SLC22A9: variants seen among roughly 807,000 people sequenced by gnomAD.
SLC22A9 encodes the protein solute carrier family 22 member 9, also known as organic anion transporter 7.
A neutral mutation model predicts 50.1 loss-of-function variants in SLC22A9; 64 were observed. That is an observed-to-expected ratio of 1.28 (90% CI 1.04 to 1.57). The LOEUF is 1.57. SLC22A9 is among the 40% of genes most tolerant of loss of function. SLC22A9 has a pLI of 0.00. For synonymous variants in SLC22A9, 261 were observed against 242.5 expected (o/e 1.08, Z -0.71); for missense variants, 757 against 676.1 (o/e 1.12, Z -1.33).
Position 63,408,107 on chromosome 11 carries a change from T to C in SLC22A9, c.1289-5T>C, listed in dbSNP as rs1190116532. The C allele has an allele frequency of 1.2e-6, 2 of 1,612,362 alleles. No homozygotes were observed. The highest frequency in any genetic ancestry group is 4.5e-5 in the East Asian group (2 of 44,834). ...CCTGAGGCCTTGTGTTCTTCCTTTC[T>C]CCAGAAATGCAGACGCTGCGTGAGG... On this transcript the variant is annotated splice_polypyrimidine_tract_variant and splice_region_variant and intron_variant, in intron 7 of 9. Transcript: ENST00000279178.
intron 6 of SLC22A9, among the ~76,000 whole-genome samples, chr11:63,387,999 C>A (rs747400954): frequency 6.6e-6 from 1 of 151,946 alleles, no homozygotes; most frequent in Non-Finnish European, 1.5e-5. Flanking sequence ...GATTTTGTAT[C>A]CTGCAGCTTC....
chr11:63,401,240 A>G (rs573121084), intron 6 of SLC22A9, among the ~76,000 whole-genome samples: 1 of 152,228 alleles, frequency 6.6e-6, no homozygotes, highest in East Asian at 1.9e-4. Context: ...ATATAATTTT[A>G]TATTTACAAA....
intron 6 of SLC22A9, among the ~76,000 whole-genome samples, chr11:63,397,334 C>G (rs2014876963): frequency 6.6e-6 from 1 of 152,110 alleles, no homozygotes; most frequent in Admixed American, 6.5e-5. Flanking sequence ...GACCTGAAGC[C>G]AGTATAGCAC....
intron 6 of SLC22A9, among the ~76,000 whole-genome samples, chr11:63,405,101 C>G (rs1479974495): frequency 6.6e-6 from 1 of 151,678 alleles, no homozygotes; most frequent in Non-Finnish European, 1.5e-5. Flanking sequence ...CACCTGTTCC[C>G]CAAAAGCTAT....
rs956093428 is a variant in SLC22A9, at chr11:63,409,000, T to C, written c.1601+121T>C. 27 of 1,058,366 alleles carry C rather than the reference T, an allele frequency of 2.6e-5. No individual in the cohort carries two copies. The Admixed American group carries it at 4.4e-4, about 17-fold the overall frequency. 65.6% of individuals were successfully genotyped at this position (1,058,366 alleles called of 1,614,324 possible). A position where few individuals can be genotyped will look rare whatever the true frequency, so the allele number is the denominator to read the frequency against. ...AAGGCTTAGACTTAGGATTTTCCCA[T>C]GTAATCAGTGCCTTAGGTCTAGGTA... On this transcript the variant is annotated intron_variant, in intron 9 of 9. Coordinates refer to ENST00000279178, the MANE Select transcript of SLC22A9 (RefSeq NM_080866.3).
chr11:63,370,591 T>C (rs1204201824), intron 1 of SLC22A9, 133 bp downstream of exon 1: 2 of 1,051,010 alleles, frequency 1.9e-6, no homozygotes, highest in South Asian at 2.2e-5. Context: ...ACTAATTGCT[T>C]CTTTATTAAA....
rs200419216 is a variant in SLC22A9 at position 63,373,641 on chromosome 11, C to T, written c.507-3C>T. ...CATTATCTAACCTGTTTCTGTTTCT[C>T]AGGTTTGGGAGAAGGTTCGTGCTCA... On this transcript the variant is annotated splice_region_variant and splice_polypyrimidine_tract_variant and intron_variant, in intron 2 of 9. Transcript: ENST00000279178. The T allele has an allele frequency of 4.6e-6, 7 of 1,533,202 alleles. No homozygotes were observed. The highest frequency in any genetic ancestry group is 1.4e-5 in the African/African-American group (1 of 71,702). The allele number at this position is 1,533,202 out of a possible 1,614,324, so 95.0% of individuals were successfully genotyped here. A position where few individuals can be genotyped will look rare whatever the true frequency, so the allele number is the denominator to read the frequency against.
At chr11:63,390,601 G>T (rs1312125560) in intron 6 of SLC22A9, among the ~76,000 whole-genome samples, 2 of 151,508 alleles carry the variant, frequency 1.3e-5, no homozygotes, top group African/African-American at 4.8e-5. Context: ...GTAACTTTTG[G>T]TTATCGTCTG....
chr11:63,392,187 TATTC>T (rs2014775841), intron 6 of SLC22A9, among the ~76,000 whole-genome samples: 1 of 152,208 alleles, frequency 6.6e-6, no homozygotes, highest in African/African-American at 2.4e-5. Context: ...GTCTGAAATT[TATTC>T]ATTATTTTTT....
chr11:63,396,368 C>T (rs993254164), intron 6 of SLC22A9, among the ~76,000 whole-genome samples: 35 of 152,316 alleles, frequency 2.3e-4, no homozygotes, highest in Middle Eastern at 3.4e-3. Context: ...CAGGGCCTTT[C>T]CTGCTGCTTC....
At chr11:63,384,033 G>C (rs182803112) in intron 6 of SLC22A9, among the ~76,000 whole-genome samples, 1 of 140,694 alleles carries the variant, frequency 7.1e-6, no homozygotes, top group African/African-American at 2.6e-5. Flanking sequence ...TGGTGACAGA[G>C]CGAGACTCCA....
chr11:63,402,411 G>A (rs1360786202), intron 6 of SLC22A9, among the ~76,000 whole-genome samples: 1 of 152,044 alleles, frequency 6.6e-6, no homozygotes, highest in South Asian at 2.1e-4. Context: ...TCAAAGATCA[G>A]GCAGTTGTAG....
At chr11:63,399,920 A>T (rs2014924956) in intron 6 of SLC22A9, among the ~76,000 whole-genome samples, 1 of 152,160 alleles carries the variant, frequency 6.6e-6, no homozygotes, top group Non-Finnish European at 1.5e-5. Context: ...ATTAAACAAT[A>T]TGCTCCTAAA....
Position 63,408,786 on chromosome 11 carries a change from G to A in SLC22A9, c.1508G>A (p.Gly503Glu). The A allele has an allele frequency of 6.2e-7, 1 of 1,613,862 alleles. No individual in the cohort carries two copies. The highest frequency in any genetic ancestry group is 8.5e-7 in the Non-Finnish European group (1 of 1,179,904). The change falls in exon 9 of 10, where the codon GGA becomes GAA. Residue 503 changes from glycine to glutamate, a missense_variant. Gly to Glu is a moderately conservative substitution (Grantham distance 98). Transcript: ENST00000279178. ...CCACCCCTGCCCTGGATCATCTATG[G>A]AGTCTTCCCCTTCATCTCTGGCTTT... ...YSPPLPWIIY[G>E]VFPFISGFAF...
intron 4 of SLC22A9, among the ~76,000 whole-genome samples, chr11:63,374,724 A>G (rs749220527): frequency 2.6e-5 from 4 of 152,198 alleles, no homozygotes; most frequent in Admixed American, 1.3e-4. Flanking sequence ...ATGTTTTTAT[A>G]TATATCCTTG....
Position 63,382,195 on chromosome 11 carries a change from G to T in SLC22A9, c.991G>T (p.Ala331Ser), listed in dbSNP as rs1251146016. 6.2e-7 allele frequency: 1 copy of T among 1,604,106 alleles called. No individual in the cohort carries two copies. Among genetic ancestry groups the T allele is most frequent in the Non-Finnish European group, 8.5e-7 (1 of 1,176,536 alleles). ...CACCATGAAAAAAGAACTGGAGGCA[G>T]CACAAAAAAAAAAACCTTCTCTGTG... is the stretch of plus-strand genomic sequence containing the variant. ...KSTMKKELEAAQKKKPSLCEM... is the reference protein window; with the variant it reads ...KSTMKKELEASQKKKPSLCEM... The change falls in exon 6 of 10, where the codon GCA becomes TCA. Residue 331 changes from alanine to serine, a missense_variant. Coordinates refer to ENST00000279178, the MANE Select transcript of SLC22A9 (RefSeq NM_080866.3).
At chr11:63,400,362 G>C (rs1246374481) in intron 6 of SLC22A9, among the ~76,000 whole-genome samples, 1 of 152,050 alleles carries the variant, frequency 6.6e-6, no homozygotes, top group Admixed American at 6.6e-5. Flanking sequence ...TGGATCATTA[G>C]AGACTATTAT....
chr11:63,380,044 C>T (rs974722573), intron 5 of SLC22A9, among the ~76,000 whole-genome samples: 8 of 151,884 alleles, frequency 5.3e-5, no homozygotes, highest in Non-Finnish European at 1.0e-4. Flanking sequence ...ACAAACACTT[C>T]TCAAAAAAAG....
At chr11:63,380,498 AAGC>A (rs2014541222) in intron 5 of SLC22A9, among the ~76,000 whole-genome samples, 1 of 152,200 alleles carries the variant, frequency 6.6e-6, no homozygotes, top group Non-Finnish European at 1.5e-5. Flanking sequence ...ATGGAATACT[AAGC>A]AGCCAAAAAA....
Sources: gnomAD v4.1 joint callset for allele counts (sites outside exome capture counted in the v4.1 genomes callset) on GRCh38, gnomAD v4.1.1 for gene constraint, MANE v1.5 for transcripts, NCBI Gene and HGNC (gene_info 2026-07-23, HGNC 2026-07-21) for gene names.